Variants in RNF144A observed in about 807,000 individuals in gnomAD.
The protein encoded by RNF144A is E3 ubiquitin-protein ligase RNF144A.
In RNF144A, 11 loss-of-function variants were observed where a neutral mutation model predicts 38.7. The observed-to-expected ratio is 0.28, with a 90% CI of 0.18 to 0.47. The LOEUF is 0.47. Among genes scored for constraint, RNF144A ranks in the 20% least tolerant of loss-of-function variants. RNF144A has a pLI of 0.99. For missense variants in RNF144A, 316 were observed against 377.2 expected (o/e 0.84, Z 1.34); for synonymous variants, 149 against 143.9 (o/e 1.04, Z -0.25).
chr2:6,995,917 C>A lies in RNF144A; in HGVS notation c.-11-999C>A, dbSNP rs115806347. On this transcript the variant is annotated intron_variant, in intron 2 of 8. Coordinates refer to ENST00000320892, the MANE Select transcript of RNF144A (RefSeq NM_014746.6). The stretch of plus-strand genomic sequence containing the variant: ...TTTCCTGAGCACTTGCTGTGTGCGG[C>A]CGACCCTTTATGTGATCTCCCTTCA... 6.0e-3 allele frequency among the ~76,000 whole-genome samples: 918 copies of A among 152,302 alleles called. 13 individuals are homozygous for A. The highest frequency in any genetic ancestry group is 0.021 in the African/African-American group (877 of 41,566).
chr2:6,997,737 A>G lies in RNF144A; in HGVS notation c.135+676A>G, dbSNP rs565668129. On this transcript the variant is annotated intron_variant, in intron 3 of 8. Transcript: ENST00000320892. ...TTTTCTGTCCATTCAAGGAATGAAA[A>G]AAGAAAATGAGTGCATAGAAGCCGG... 6.6e-5 allele frequency among the ~76,000 whole-genome samples: 10 copies of G among 152,320 alleles called. No individual in the cohort carries two copies. The South Asian group carries it at 1.7e-3, about 25-fold the overall frequency.
At chr2:6,955,442 C>A (rs775820002) in intron 2 of RNF144A, among the ~76,000 whole-genome samples, 1 of 152,084 alleles carries the variant, frequency 6.6e-6, no homozygotes, top group Non-Finnish European at 1.5e-5. Context: ...ATCAGAGACC[C>A]GTGGGGATTC....
chr2:7,053,308 A>G (rs1673599881), intron 6 of RNF144A, among the ~76,000 whole-genome samples: 1 of 152,224 alleles, frequency 6.6e-6, no homozygotes, highest in Non-Finnish European at 1.5e-5. Flanking sequence ...CAGGATGCAC[A>G]TTATATTAGT....
At chr2:6,949,773 G>T (rs1283074249) in intron 2 of RNF144A, among the ~76,000 whole-genome samples, 2 of 152,010 alleles carry the variant, frequency 1.3e-5, no homozygotes, top group African/African-American at 2.4e-5. Flanking sequence ...CTTAACTTTT[G>T]TATTTGAGTT....
intron 3 of RNF144A, 134 bp downstream of exon 3, chr2:6,997,195 A>G: frequency 1.3e-6 from 1 of 753,536 alleles, no homozygotes; most frequent in Non-Finnish European, 2.2e-6. Flanking sequence ...AGGCCTTCAC[A>G]CAGTTCTTGG....
At chr2:7,073,463 T>A in the RNF144A span, among the ~76,000 whole-genome samples, 9 of 152,156 alleles carry the variant, frequency 5.9e-5, no homozygotes, top group African/African-American at 2.2e-4. Context: ...ATATGATAAT[T>A]TTCTGAAAGA....
rs930268303 is a variant in RNF144A, at chr2:7,004,744, G to T, written c.135+7683G>T. 2.6e-5 allele frequency among the ~76,000 whole-genome samples: 4 copies of T among 152,098 alleles called. No homozygotes were observed. In the South Asian group the frequency reaches 8.3e-4, roughly 31 times the overall value. The stretch of plus-strand genomic sequence containing the variant: ...GAGCCATCCTAAACTACAGGACTTC[G>T]ACGTTTCTCAGCTCTTCAAACATCT... On this transcript the variant is annotated intron_variant, in intron 3 of 8. Coordinates refer to ENST00000320892, the MANE Select transcript of RNF144A (RefSeq NM_014746.6).
rs1483347116 is a variant in RNF144A at position 7,043,571 on chromosome 2, T to C, written c.*3811T>C. On this transcript the variant is annotated 3_prime_UTR_variant, in exon 9 of 9. Coordinates refer to ENST00000320892, the MANE Select transcript of RNF144A (RefSeq NM_014746.6). ...CCAAAGCTTGTTTATTTCTGATAAT[T>C]AACCTAAGCCCTTATGAAAATAAAC... 1 of 985,538 alleles carries C rather than the reference T, an allele frequency of 1.0e-6. No homozygotes were observed. The highest frequency in any genetic ancestry group is 6.1e-5 in the Admixed American group (1 of 16,266). The allele number at this position is 985,538 out of a possible 1,614,324, so 61.0% of individuals were successfully genotyped here. A position where few individuals can be genotyped will look rare whatever the true frequency, so the allele number is the denominator to read the frequency against.
At chr2:7,050,495 T>G (rs309288) in intron 6 of RNF144A, among the ~76,000 whole-genome samples, 51,626 of 151,956 alleles carry the variant, frequency 0.34, 10,163 homozygotes, top group South Asian at 0.54. Flanking sequence ...ATGCAGGTCC[T>G]CTTCAGTCTC....
downstream of RNF144A, among the ~76,000 whole-genome samples, chr2:7,068,552 A>G (rs1173996496): frequency 6.6e-6 from 1 of 152,264 alleles, no homozygotes; most frequent in East Asian, 1.9e-4. Context: ...GGTTGAGGAC[A>G]TCAGAGGAGA....
Position 6,956,210 on chromosome 2 carries a change from G to A in RNF144A, c.-12+15063G>A, listed in dbSNP as rs182622563. On this transcript the variant is annotated intron_variant, in intron 2 of 8. Transcript: ENST00000320892. ...CAGACACCCAGGAGTCCTGGCTGCC[G>A]ACTAGCAAATTCTTTTCTTGTTTCT... 3.9e-3 allele frequency among the ~76,000 whole-genome samples: 598 copies of A among 151,742 alleles called. 2 individuals are homozygous for A. The highest frequency in any genetic ancestry group is 0.01 in the Middle Eastern group (3 of 288).
intron 8 of RNF144A, among the ~76,000 whole-genome samples, chr2:7,037,955 A>AGGCT (rs1485192757): frequency 6.6e-6 from 1 of 152,214 alleles, no homozygotes; most frequent in African/African-American, 2.4e-5. Flanking sequence ...TCATTTCTGC[A>AGGCT]GGCTGCCTGC....
At chr2:6,940,431 G>A (rs889668784) in intron 1 of RNF144A, among the ~76,000 whole-genome samples, 2 of 152,272 alleles carry the variant, frequency 1.3e-5, no homozygotes, top group East Asian at 1.9e-4. Flanking sequence ...TACTGATAAC[G>A]CTGAATTTAT....
intron 1 of RNF144A, among the ~76,000 whole-genome samples, chr2:6,932,592 G>A (rs1123341): frequency 0.33 from 50,150 of 151,724 alleles, 8,589 homozygotes; most frequent in South Asian, 0.41. Context: ...TTTTTCCTGT[G>A]GTAATGCCTC....
downstream of RNF144A, among the ~76,000 whole-genome samples, chr2:7,045,017 A>G (rs562571047): frequency 9.9e-4 from 151 of 152,352 alleles, no homozygotes; most frequent in African/African-American, 3.5e-3. Flanking sequence ...CGGGCACAGC[A>G]CAGCCCTTCG....
intron 2 of RNF144A, among the ~76,000 whole-genome samples, chr2:6,965,782 C>T (rs970999740): frequency 6.6e-6 from 1 of 152,006 alleles, no homozygotes; most frequent in South Asian, 2.1e-4. Context: ...GGAAATCTCT[C>T]TTTTACCTAC....
At chr2:7,039,149 T>G (rs1036974591) in intron 8 of RNF144A, among the ~76,000 whole-genome samples, 21 of 138,446 alleles carry the variant, frequency 1.5e-4, no homozygotes, top group Non-Finnish European at 1.6e-5. Flanking sequence ...GATGGATGGA[T>G]AGAGAGATGG....
chr2:7,064,725 G>T (rs1674128943), intron 6 of RNF144A, among the ~76,000 whole-genome samples: 1 of 152,226 alleles, frequency 6.6e-6, no homozygotes, highest in South Asian at 2.1e-4. Context: ...GACTGAAGTT[G>T]TCCAGAGGTA....
chr2:6,935,972 ATCAG>A (rs1665547480), intron 1 of RNF144A, among the ~76,000 whole-genome samples: 1 of 152,070 alleles, frequency 6.6e-6, no homozygotes, highest in Non-Finnish European at 1.5e-5. Flanking sequence ...CCTTTCTCCC[ATCAG>A]ATGCTTTGGG....
Sources: gnomAD v4.1 joint callset for allele counts (sites outside exome capture counted in the v4.1 genomes callset) on GRCh38, gnomAD v4.1.1 for gene constraint, MANE v1.5 for transcripts, NCBI Gene and HGNC (gene_info 2026-07-23, HGNC 2026-07-21) for gene names.